The following AGAP1 variants were observed in gnomAD, a reference collection of about 807,000 sequenced individuals.
The protein encoded by AGAP1 is arf-GAP with GTPase, ANK repeat and PH domain-containing protein 1.
In AGAP1, 29 loss-of-function variants were observed where a neutral mutation model predicts 105.3. The observed-to-expected ratio is 0.28, with a 90% CI of 0.21 to 0.38. The LOEUF is 0.38. Ranked by LOEUF, AGAP1 falls within the 10% of genes least tolerant of loss-of-function variation. The pLI, the probability that AGAP1 is intolerant of heterozygous loss-of-function variation, is 1.00. For synonymous variants in AGAP1, 509 were observed against 485.9 expected (o/e 1.05, Z -0.63); for missense variants, 998 against 1,165.1 (o/e 0.86, Z 2.09).
At chr2:235,826,024 A>G (rs6730801) in intron 9 of AGAP1, among the ~76,000 whole-genome samples, 79 of 152,254 alleles carry the variant, frequency 5.2e-4, no homozygotes, top group African/African-American at 1.7e-3. Flanking sequence ...AAAAAAAAAA[A>G]TAGAAACCCT....
chr2:236,079,000 A>C lies in AGAP1; in HGVS notation c.2114+29719A>C, dbSNP rs1007705594. Among the ~76,000 whole-genome samples the C allele has an allele frequency of 6.6e-6, 1 of 152,096 alleles. No homozygotes were observed. Among genetic ancestry groups the C allele is most frequent in the Non-Finnish European group, 1.5e-5 (1 of 68,016 alleles). ...TTAGCCTCATCCCTCATGGGGGAAG[A>C]TACCTGATGCCGGGGCTGGGGTGTA... On this transcript the variant is annotated intron_variant, in intron 16 of 17. Transcript: ENST00000304032. The surrounding 1 kb of genome is among the most constrained non-coding windows in gnomAD (Gnocchi z 5.3).
chr2:235,690,213 A>G lies in AGAP1; in HGVS notation c.164-18966A>G, dbSNP rs976230422. ...TCCAGTGGCTTCACTTTTACCACTC[A>G]GAGAACTTTAGTACACAGTCTTAAA... On this transcript the variant is annotated intron_variant, in intron 1 of 17. Transcript: ENST00000304032. The surrounding 1 kb of genome is among the most constrained non-coding windows in gnomAD (Gnocchi z 4.1). Among the ~76,000 whole-genome samples the G allele has an allele frequency of 5.9e-5, 9 of 152,004 alleles. No homozygotes were observed. Among genetic ancestry groups the G allele is most frequent in the African/African-American group, 1.9e-4 (8 of 41,372 alleles).
intron 1 of AGAP1, among the ~76,000 whole-genome samples, chr2:235,545,327 G>T (rs1415715396): frequency 6.6e-6 from 1 of 152,204 alleles, no homozygotes; most frequent in East Asian, 1.9e-4. Flanking sequence ...ATTTAGCCCT[G>T]GAAAGGAAGG....
chr2:235,873,599 C>G (rs993914908), intron 9 of AGAP1, among the ~76,000 whole-genome samples: 1 of 152,120 alleles, frequency 6.6e-6, no homozygotes, highest in Non-Finnish European at 1.5e-5. Context: ...CCGGGCTTTC[C>G]CAGGATTGGG....
At chr2:235,800,265 A>AT (rs547612945) in intron 8 of AGAP1, among the ~76,000 whole-genome samples, 1,954 of 142,010 alleles carry the variant, frequency 0.014, 28 homozygotes, top group African/African-American at 0.029. Context: ...CGTGTGGCTA[A>AT]TTTTTTTTTT....
At chr2:235,687,890 GCTCT>G (rs1399875060) in intron 1 of AGAP1, among the ~76,000 whole-genome samples, 7 of 131,280 alleles carry the variant, frequency 5.3e-5, no homozygotes, top group East Asian at 2.3e-4. Flanking sequence ...CTTAATCGCC[GCTCT>G]CTGACTTTTT....
rs1344600218 is a variant in AGAP1, at chr2:235,566,100, A to G, written c.163+71251A>G. Among the ~76,000 whole-genome samples, 6 of 151,582 alleles carry G rather than the reference A, an allele frequency of 4.0e-5. No individual in the cohort carries two copies. Among genetic ancestry groups the G allele is most frequent in the African/African-American group, 7.3e-5 (3 of 41,320 alleles). On this transcript the variant is annotated intron_variant, in intron 1 of 17. Transcript: ENST00000304032. This position sits in a 1 kb window ranked among gnomAD's most constrained non-coding sequence, Gnocchi z 5.2. ...GTCCATTCCTCGATTTATTATTATT[A>G]TTATTATTTGAGGTGGAGTTTCACT...
At chr2:235,505,108 T>C (rs74861870) in intron 1 of AGAP1, among the ~76,000 whole-genome samples, 2,130 of 152,308 alleles carry the variant, frequency 0.014, 51 homozygotes, top group African/African-American at 0.049. Context: ...ACCCACTGGA[T>C]CTGTGTTGGT....
chr2:235,607,641 G>A (rs1331864801), intron 1 of AGAP1, among the ~76,000 whole-genome samples: 6 of 152,146 alleles, frequency 3.9e-5, no homozygotes, highest in African/African-American at 1.4e-4. Flanking sequence ...GGCCCCCTTC[G>A]GCTGGTGCAC....
Position 235,615,669 on chromosome 2 carries a change from T to C in AGAP1, c.164-93510T>C, listed in dbSNP as rs1406603377. ...TTTGCCTCTTGGGGAGCTGGGTTAT[T>C]GTGAAACTAGGTCAAATTATTGTTT... On this transcript the variant is annotated intron_variant, in intron 1 of 17. Coordinates refer to ENST00000304032, the MANE Select transcript of AGAP1 (RefSeq NM_001037131.3). This position sits in a 1 kb window ranked among gnomAD's most constrained non-coding sequence, Gnocchi z 5.0. 1.3e-5 allele frequency among the ~76,000 whole-genome samples: 2 copies of C among 152,200 alleles called. No individual in the cohort carries two copies. Among genetic ancestry groups the C allele is most frequent in the African/African-American group, 4.8e-5 (2 of 41,450 alleles).
intron 1 of AGAP1, among the ~76,000 whole-genome samples, chr2:235,603,373 C>T (rs1041710754): frequency 6.6e-6 from 1 of 152,114 alleles, no homozygotes; most frequent in Non-Finnish European, 1.5e-5. Flanking sequence ...GCATGAAAAA[C>T]GAACTAAGGC....
Position 236,105,791 on chromosome 2 carries a change from G to A in AGAP1, c.2115-14401G>A, listed in dbSNP as rs182370988. ...TTTTTGTATTTTTAGTAGAGACGGG[G>A]TTTCACCATGTTAGCCAGGGTGGTC... is the stretch of plus-strand genomic sequence containing the variant. On this transcript the variant is annotated intron_variant, in intron 16 of 17. Transcript: ENST00000304032. The surrounding 1 kb of genome is among the most constrained non-coding windows in gnomAD (Gnocchi z 4.2). Among the ~76,000 whole-genome samples, 5 of 152,258 alleles carry A rather than the reference G, an allele frequency of 3.3e-5. No individual in the cohort carries two copies. The highest frequency in any genetic ancestry group is 2.0e-4 in the Admixed American group (3 of 15,286).
In AGAP1 at chr2:235,961,874, G is replaced by A. The variant is rs1193806530; in HGVS notation, c.1484-6588G>A. ...CAGAGCAAGACTTCGTCACACACAC[G>A]CACAAAAAAGTGAGATGACAGCTCA... On this transcript the variant is annotated intron_variant, in intron 12 of 17. Coordinates refer to ENST00000304032, the MANE Select transcript of AGAP1 (RefSeq NM_001037131.3). The surrounding 1 kb of genome is among the most constrained non-coding windows in gnomAD (Gnocchi z 5.9). Among the ~76,000 whole-genome samples, 5 of 152,244 alleles carry A rather than the reference G, an allele frequency of 3.3e-5. No individual in the cohort carries two copies. The highest frequency in any genetic ancestry group is 1.2e-4 in the African/African-American group (5 of 41,568).
At position 235,962,319 on chromosome 2, in the gene AGAP1, G is replaced by T. The variant is rs1300842744; in HGVS notation, c.1484-6143G>T. Among the ~76,000 whole-genome samples the T allele has an allele frequency of 6.6e-6, 1 of 152,154 alleles. No individual in the cohort carries two copies. Among genetic ancestry groups the T allele is most frequent in the Non-Finnish European group, 1.5e-5 (1 of 68,030 alleles). The stretch of plus-strand genomic sequence containing the variant: ...CCTGGCCCATGACGGTGCTGAGCAG[G>T]TGGAGGGCTGGAAGTCAGTGAAGTT... On this transcript the variant is annotated intron_variant, in intron 12 of 17. Transcript: ENST00000304032. This position sits in a 1 kb window ranked among gnomAD's most constrained non-coding sequence, Gnocchi z 5.3.
Position 235,843,309 on chromosome 2 carries a change from A to G in AGAP1, c.1050+35978A>G, listed in dbSNP as rs1490710262. On this transcript the variant is annotated intron_variant, in intron 9 of 17. Coordinates refer to ENST00000304032, the MANE Select transcript of AGAP1 (RefSeq NM_001037131.3). The surrounding 1 kb of genome is among the most constrained non-coding windows in gnomAD (Gnocchi z 5.9). ...GCTTGCTGCCTCCCCTTTCTCACCC[A>G]CACAATTCTTTCCTTCCCTCCCTCT... Among the ~76,000 whole-genome samples the G allele has an allele frequency of 3.3e-5, 5 of 151,690 alleles. No homozygotes were observed. The highest frequency in any genetic ancestry group is 7.4e-5 in the Non-Finnish European group (5 of 67,924).
At chr2:235,528,779 G>A (rs1276983407) in intron 1 of AGAP1, among the ~76,000 whole-genome samples, 1 of 152,154 alleles carries the variant, frequency 6.6e-6, no homozygotes, top group Non-Finnish European at 1.5e-5. Flanking sequence ...CGGGTTGCAA[G>A]CAATTCTCCT....
intron 16 of AGAP1, among the ~76,000 whole-genome samples, chr2:236,059,830 A>G (rs547419679): frequency 6.6e-6 from 1 of 152,234 alleles, no homozygotes; most frequent in African/African-American, 2.4e-5. Flanking sequence ...TAACTCCAAC[A>G]CCTGTAATCC....
chr2:235,865,317 A>C lies in AGAP1; in HGVS notation c.1051-18028A>C, dbSNP rs1159670697. ...CAGTGAGGTAGGAATAGACGCGGCT[A>C]ATGACAGGAAGGTCGCGCGGGTGAG... On this transcript the variant is annotated intron_variant, in intron 9 of 17. Transcript: ENST00000304032. This position sits in a 1 kb window ranked among gnomAD's most constrained non-coding sequence, Gnocchi z 6.2. Among the ~76,000 whole-genome samples the C allele has an allele frequency of 6.6e-6, 1 of 152,172 alleles. No homozygotes were observed. Among genetic ancestry groups the C allele is most frequent in the Non-Finnish European group, 1.5e-5 (1 of 68,030 alleles).
At chr2:235,942,764 C>T (rs932377535) in intron 12 of AGAP1, among the ~76,000 whole-genome samples, 1 of 151,544 alleles carries the variant, frequency 6.6e-6, no homozygotes, top group African/African-American at 2.4e-5. Flanking sequence ...TTTTTTAGTC[C>T]CCATGTTTGC....
Sources: gnomAD v4.1 joint callset for allele counts (sites outside exome capture counted in the v4.1 genomes callset) on GRCh38, gnomAD v4.1.1 for gene constraint, Gnocchi (gnomAD v3.1) non-coding constraint, MANE v1.5 for transcripts, NCBI Gene and HGNC (gene_info 2026-07-23, HGNC 2026-07-21) for gene names.